The following ZFAND3 variants were observed in gnomAD, a reference collection of about 807,000 sequenced individuals.
The protein encoded by ZFAND3 is AN1-type zinc finger protein 3.
A neutral mutation model predicts 29.6 loss-of-function variants in ZFAND3; 10 were observed. That is an observed-to-expected ratio of 0.34 (90% CI 0.21 to 0.57). The LOEUF is 0.57. ZFAND3 is among the 20% of genes least tolerant of loss of function. The probability of loss-of-function intolerance (pLI) is 0.86; values close to 1 mark genes in which losing one functional copy is unlikely to be tolerated. For synonymous variants in ZFAND3, 128 were observed against 112.6 expected, an observed-to-expected ratio of 1.14 and a Z score of -0.87; for missense variants, 230 against 304.5, an observed-to-expected ratio of 0.76 and a Z score of 1.82.
At chr6:37,866,408 T>C (rs1352356849) in intron 1 of ZFAND3, among the ~76,000 whole-genome samples, 1 of 152,210 alleles carries the variant, frequency 6.6e-6, no homozygotes, top group Non-Finnish European at 1.5e-5. Flanking sequence ...TAAATTATCT[T>C]GATAACCCCC....
At chr6:37,887,543 A>G (rs572699805) in intron 1 of ZFAND3, among the ~76,000 whole-genome samples, 2 of 152,328 alleles carry the variant, frequency 1.3e-5, no homozygotes, top group South Asian at 4.1e-4. Flanking sequence ...CCTAAATTGT[A>G]TTCCCTGATG....
At chr6:37,873,764 C>A (rs1781429781) in intron 1 of ZFAND3, among the ~76,000 whole-genome samples, 1 of 152,158 alleles carries the variant, frequency 6.6e-6, no homozygotes, top group Admixed American at 6.5e-5. Context: ...TATATTTTAG[C>A]CTTTGTGGGC....
intron 1 of ZFAND3, among the ~76,000 whole-genome samples, chr6:37,909,443 C>T (rs769886476): frequency 6.6e-6 from 1 of 151,634 alleles, no homozygotes; most frequent in Non-Finnish European, 1.5e-5. Flanking sequence ...CCATGCCCAG[C>T]TAATTTTTGT....
chr6:37,948,002 A>C (rs961052646), intron 2 of ZFAND3, among the ~76,000 whole-genome samples: 4 of 151,786 alleles, frequency 2.6e-5, no homozygotes, highest in Non-Finnish European at 4.4e-5. Context: ...TCATTTATTT[A>C]TTGAGACTTG....
intron 2 of ZFAND3, among the ~76,000 whole-genome samples, chr6:38,049,484 G>T (rs1763976529): frequency 6.6e-6 from 1 of 152,194 alleles, no homozygotes; most frequent in African/African-American, 2.4e-5. Flanking sequence ...GCCAGGATTT[G>T]AACTCAGGCA....
intron 2 of ZFAND3, among the ~76,000 whole-genome samples, chr6:38,013,034 T>A (rs963433139): frequency 6.6e-6 from 1 of 152,220 alleles, no homozygotes; most frequent in Non-Finnish European, 1.5e-5. Context: ...TTGAGTGTAT[T>A]TTCTAAATTT....
At chr6:37,918,281 T>G (rs983210457) in intron 1 of ZFAND3, among the ~76,000 whole-genome samples, 1 of 152,110 alleles carries the variant, frequency 6.6e-6, no homozygotes, top group African/African-American at 2.4e-5. Context: ...TTCACCATAT[T>G]AGCCAGGATG....
intron 1 of ZFAND3, among the ~76,000 whole-genome samples, chr6:37,926,253 T>G (rs1761482132): frequency 6.6e-6 from 1 of 152,216 alleles, no homozygotes; most frequent in Non-Finnish European, 1.5e-5. Flanking sequence ...TGTAACAAAT[T>G]ACCACAAAGT....
chr6:37,994,640 A>G (rs1762818293), intron 2 of ZFAND3, among the ~76,000 whole-genome samples: 1 of 152,108 alleles, frequency 6.6e-6, no homozygotes, highest in Admixed American at 6.6e-5. Context: ...TATAATATTA[A>G]ATATGTGATT....
intron 1 of ZFAND3, among the ~76,000 whole-genome samples, chr6:37,920,384 G>A (rs1485573959): frequency 6.6e-6 from 1 of 150,700 alleles, no homozygotes; most frequent in Non-Finnish European, 1.5e-5. Context: ...CTTTTGACTA[G>A]TTTATTGATG....
intron 2 of ZFAND3, among the ~76,000 whole-genome samples, chr6:37,985,262 A>G (rs1220134641): frequency 6.6e-6 from 1 of 152,200 alleles, no homozygotes; most frequent in Non-Finnish European, 1.5e-5. Flanking sequence ...GTTTGAGGCC[A>G]GCCTGGGCAA....
intron 5 of ZFAND3, among the ~76,000 whole-genome samples, chr6:38,132,971 A>G (rs1469351356): frequency 6.6e-6 from 1 of 152,210 alleles, no homozygotes; most frequent in Non-Finnish European, 1.5e-5. Context: ...CGCAGTAACA[A>G]ATTCATTCTC....
intron 1 of ZFAND3, among the ~76,000 whole-genome samples, chr6:37,829,020 T>G (rs1333582331): frequency 2.0e-5 from 3 of 152,192 alleles, no homozygotes; most frequent in Non-Finnish European, 4.4e-5. Context: ...AGTCCTTATG[T>G]GTTCGTGTGT....
intron 1 of ZFAND3, among the ~76,000 whole-genome samples, chr6:37,871,919 A>G (rs994338694): frequency 1.3e-5 from 2 of 152,200 alleles, no homozygotes; most frequent in Admixed American, 1.3e-4. Flanking sequence ...TCCCACCACC[A>G]TCAGCAGCTA....
chr6:37,984,717 A>AT (rs1762637072), intron 2 of ZFAND3, among the ~76,000 whole-genome samples: 1 of 152,158 alleles, frequency 6.6e-6, no homozygotes, highest in African/African-American at 2.4e-5. Flanking sequence ...GGTGTCCAGT[A>AT]CTCTCATCTA....
chr6:37,963,684 A>G (rs571020414), intron 2 of ZFAND3, among the ~76,000 whole-genome samples: 144 of 151,680 alleles, frequency 9.5e-4, no homozygotes, highest in African/African-American at 3.2e-3. Flanking sequence ...TCTCTTTATG[A>G]TAGTTTCCAG....
At chr6:37,978,003 G>A (rs1762519135) in intron 2 of ZFAND3, among the ~76,000 whole-genome samples, 1 of 151,158 alleles carries the variant, frequency 6.6e-6, no homozygotes, top group Non-Finnish European at 1.5e-5. Context: ...TTGATCTCAA[G>A]CTCACTGCAA....
At chr6:37,934,559 C>T (rs899911301) in intron 2 of ZFAND3, among the ~76,000 whole-genome samples, 9 of 150,094 alleles carry the variant, frequency 6.0e-5, no homozygotes, top group Non-Finnish European at 1.0e-4. Context: ...AGTCCAGACC[C>T]GGTGGCTCAC....
intron 1 of ZFAND3, among the ~76,000 whole-genome samples, chr6:37,895,546 C>T (rs1249516936): frequency 8.7e-6 from 1 of 115,134 alleles, no homozygotes; most frequent in Non-Finnish European, 1.7e-5. Context: ...GTACAAAAAA[C>T]ATGAACATAC....
Sources: gnomAD v4.1 joint callset for allele counts (sites outside exome capture counted in the v4.1 genomes callset) on GRCh38, gnomAD v4.1.1 for gene constraint, MANE v1.5 for transcripts, NCBI Gene and HGNC (gene_info 2026-07-23, HGNC 2026-07-21) for gene names.